ARHGEF16: variants seen among roughly 807,000 people sequenced by gnomAD.
ARHGEF16 encodes the protein Rho guanine exchange factor (GEF) 16.
In ARHGEF16, 59 loss-of-function variants were observed where a neutral mutation model predicts 74.1. The ratio of observed to expected loss-of-function variants is 0.80; its 90% confidence interval spans 0.65 to 0.99. The LOEUF (loss-of-function observed/expected upper bound fraction) is 0.99. ARHGEF16 is among the 50% of genes least tolerant of loss of function. The probability of loss-of-function intolerance (pLI) is 0.00; values close to 1 mark genes in which losing one functional copy is unlikely to be tolerated. For synonymous variants in ARHGEF16, 415 were observed against 412.6 expected, an observed-to-expected ratio of 1.01 and a Z score of -0.07; for missense variants, 948 against 986.6, an observed-to-expected ratio of 0.96 and a Z score of 0.52.
intron 6 of ARHGEF16, among the ~76,000 whole-genome samples, chr1:3,472,248 C>T (rs1273567078): frequency 6.6e-6 from 1 of 152,238 alleles, no homozygotes; most frequent in African/African-American, 2.4e-5. Flanking sequence ...CAGCAGGTGA[C>T]CATCGTGGGT....
At chr1:3,469,119 C>G (rs1639632326) in intron 5 of ARHGEF16, among the ~76,000 whole-genome samples, 183 bp downstream of exon 5, 1 of 152,204 alleles carries the variant, frequency 6.6e-6, no homozygotes, top group African/African-American at 2.4e-5. Flanking sequence ...GCGCCAGGCC[C>G]TGACGGAGCC....
At chr1:3,469,048 C>A in intron 5 of ARHGEF16, 112 bp downstream of exon 5, 1 of 1,306,088 alleles carries the variant, frequency 7.7e-7, no homozygotes, top group Non-Finnish European at 1.1e-6. Flanking sequence ...CGGCCACCTC[C>A]AGTGCCAGGC....
At chr1:3,470,504 G>A (rs1639678817) in intron 6 of ARHGEF16, among the ~76,000 whole-genome samples, 1 of 150,790 alleles carries the variant, frequency 6.6e-6, no homozygotes, top group Non-Finnish European at 1.5e-5. Context: ...TGTGTGCACA[G>A]GCAGGGATGT....
At chr1:3,458,307 T>A (rs1259043115) in intron 1 of ARHGEF16, among the ~76,000 whole-genome samples, 2 of 152,196 alleles carry the variant, frequency 1.3e-5, no homozygotes, top group Non-Finnish European at 2.9e-5. Flanking sequence ...AAGTCAGGGC[T>A]GCCTTTGCTG....
At chr1:3,478,061 C>A (rs200587206) in intron 11 of ARHGEF16, 35 bp downstream of exon 11, 1 of 1,612,100 alleles carries the variant, frequency 6.2e-7, no homozygotes, top group Non-Finnish European at 8.5e-7. Context: ...GGGAGCCCCA[C>A]TCCATGGACA....
Position 3,467,303 on chromosome 1 carries a change from G to A in ARHGEF16, c.770G>A (p.Arg257Gln), listed in dbSNP as rs1012460755. ...VDATIVVKSY[R>Q]PAQVTWSQLP... is the part of the protein sequence containing the mutation. ...GCCACCATTGTGGTCAAGAGCTACC[G>A]GCCCGCCCAGGTCACCTGGAGCCAG... Residue 257 changes from arginine to glutamine, a missense_variant, in exon 4 of 15, where the codon CGG (arginine) becomes CAG (glutamine). Arg to Gln is a conservative substitution (Grantham distance 43). Coordinates refer to ENST00000378378, the MANE Select transcript of ARHGEF16 (RefSeq NM_014448.4). 9.7e-6 allele frequency: 15 copies of A among 1,549,928 alleles called. No individual in the cohort carries two copies. Among genetic ancestry groups the A allele is most frequent in the African/African-American group, 6.8e-5 (5 of 73,032 alleles).
intron 4 of ARHGEF16, among the ~76,000 whole-genome samples, chr1:3,468,367 T>G (rs1405805852): frequency 6.6e-6 from 1 of 152,144 alleles, no homozygotes; most frequent in African/African-American, 2.4e-5. Flanking sequence ...GGTCCTGACG[T>G]GCTCTACCAA....
At chr1:3,471,111 T>C (rs1464679544) in intron 6 of ARHGEF16, among the ~76,000 whole-genome samples, 2 of 147,960 alleles carry the variant, frequency 1.4e-5, no homozygotes, top group African/African-American at 5.1e-5. Context: ...TGTGTGTGCC[T>C]GGGCAGGGGT....
Position 3,480,707 on chromosome 1 carries a change from C to T in ARHGEF16, c.*120C>T. ...CCCAGCATGGTTCCCTGGGGCTTCC[C>T]AAGAGCCTGTGGCTGTGGTGCCGGG... On this transcript the variant is annotated 3_prime_UTR_variant, in exon 15 of 15. Transcript: ENST00000378378. 1 of 1,343,740 alleles carries T rather than the reference C, an allele frequency of 7.4e-7. No homozygotes were observed. The allele number at this position is 1,343,740 out of a possible 1,614,324, so 83.2% of individuals were successfully genotyped here.
chr1:3,476,116 C>T (rs1639867041), intron 10 of ARHGEF16, 54 bp downstream of exon 10: 1 of 1,516,460 alleles, frequency 6.6e-7, no homozygotes, highest in Non-Finnish European at 8.9e-7. Context: ...TCAGCCCTCC[C>T]TGCTGGCCTG....
intron 8 of ARHGEF16, 119 bp from the exon 9 acceptor site, chr1:3,474,589 G>GC (rs1639830266): frequency 6.7e-6 from 6 of 898,464 alleles, no homozygotes; most frequent in South Asian, 2.9e-5. Context: ...CCCTGCAGGA[G>GC]CCCCCTGGGG....
intron 6 of ARHGEF16, chr1:3,472,719 A>AAGGGCACCAACTGGAC (rs1639763227): frequency 5.5e-6 from 1 of 183,300 alleles, no homozygotes; most frequent in African/African-American, 2.3e-5. Flanking sequence ...TTGAAGGGCG[A>AAGGGCACCAACTGGAC]AGGGCACCAA....
At position 3,480,539 on chromosome 1, in the gene ARHGEF16, G is replaced by A. The variant is rs375505302; in HGVS notation, c.2082G>A (p.Glu694=). Residue 694 remains glutamate (E), a synonymous_variant, in exon 15 of 15, where the codon GAG becomes GAA. Coordinates refer to ENST00000378378, the MANE Select transcript of ARHGEF16 (RefSeq NM_014448.4). ...ARFITSRVAV[E]GNVRRMERLR... ...TCATCACCAGCCGTGTGGCCGTGGA[G>A]GGCAATGTCCGCAGGATGGAGCGTC... is the stretch of plus-strand genomic sequence containing the variant. 298 of 1,611,612 alleles carry A rather than the reference G, an allele frequency of 1.8e-4. No individual in the cohort carries two copies. Among genetic ancestry groups the A allele is most frequent in the Admixed American group, 7.5e-4 (45 of 60,024 alleles).
intron 10 of ARHGEF16, 50 bp from the exon 11 acceptor site, chr1:3,477,824 TC>T (rs746101431): frequency 1.3e-5 from 21 of 1,585,916 alleles, no homozygotes; most frequent in African/African-American, 2.7e-5. Context: ...CCCGGCTCTG[TC>T]CCCCCCAGTC....
chr1:3,468,375 C>G (rs1639606562), intron 4 of ARHGEF16, among the ~76,000 whole-genome samples: 1 of 152,190 alleles, frequency 6.6e-6, no homozygotes, highest in Non-Finnish European at 1.5e-5. Flanking sequence ...CGTGCTCTAC[C>G]AATCGAGCCA....
chr1:3,480,315 T>C (rs1330256116), intron 14 of ARHGEF16, 133 bp from the exon 15 acceptor site: 1 of 1,312,576 alleles, frequency 7.6e-7, no homozygotes, highest in African/African-American at 1.5e-5. Flanking sequence ...TCAGCAGCTG[T>C]CTGCTCTGAG....
intron 14 of ARHGEF16, 122 bp from the exon 15 acceptor site, chr1:3,480,326 C>T: frequency 7.2e-7 from 1 of 1,380,574 alleles, no homozygotes; most frequent in South Asian, 1.4e-5. Context: ...CTGCTCTGAG[C>T]AGGAGCAGGT....
chr1:3,478,405 A>C lies in ARHGEF16; in HGVS notation c.1626-19A>C, dbSNP rs1181003673. The C allele has an allele frequency of 6.3e-7, 1 of 1,575,474 alleles. No homozygotes were observed. Among genetic ancestry groups the C allele is most frequent in the Non-Finnish European group, 8.7e-7 (1 of 1,155,410 alleles). ...GGAGCTGGGTGGGACCGTCCCACCG[A>C]CTGCCCGTGTCTCCACAGCGAGGAG... On this transcript the variant is annotated intron_variant, in intron 11 of 14. Coordinates refer to ENST00000378378, the MANE Select transcript of ARHGEF16 (RefSeq NM_014448.4).
At chr1:3,469,672 A>G (rs764842656) in intron 6 of ARHGEF16, 79 bp downstream of exon 6, 96 of 1,566,288 alleles carry the variant, frequency 6.1e-5, no homozygotes, top group Non-Finnish European at 8.3e-5. Context: ...CACTGTCATC[A>G]GCAGGCCCCT....
Sources: allele counts gnomAD v4.1 joint callset (sites outside exome capture counted in the v4.1 genomes callset), GRCh38; gene constraint gnomAD v4.1.1; transcripts MANE v1.5; gene names NCBI Gene and HGNC (gene_info 2026-07-23, HGNC 2026-07-21).